SOX30: variants seen among roughly 807,000 people sequenced by gnomAD.
SOX30 encodes the protein transcription factor SOX-30.
Under a neutral mutation model 58.6 loss-of-function variants are expected in SOX30, and 17 were observed. The ratio of observed to expected loss-of-function variants is 0.29; its 90% CI spans 0.20 to 0.44. SOX30 has a LOEUF of 0.44. Among genes scored for constraint, SOX30 ranks in the 20% least tolerant of loss-of-function variants. SOX30 has a pLI of 1.00. For missense variants in SOX30, 951 were observed against 965.8 expected, an observed-to-expected ratio of 0.98 and a Z score of 0.20; for synonymous variants, 421 against 400.2, an observed-to-expected ratio of 1.05 and a Z score of -0.62.
rs1360398342 is a variant in SOX30, at chr5:157,651,589, T to C, written c.490A>G (p.Arg164Gly). ...GAVETGPRAS[R>G]VVKLEGPGPA... is the part of the protein sequence containing the mutation. The stretch of plus-strand genomic sequence containing the variant: ...CCGGGGCCTTCCAACTTGACCACCC[T>C]GGAGGCTCTAGGACCGGTTTCGACG... The change falls in exon 1 of 5, where the codon AGG becomes GGG. Residue 164 changes from arginine to glycine, a missense_variant. Physicochemically the swap from Arg to Gly is moderately radical, Grantham distance 125. This residue lies in a region of SOX30 where 363 missense variants were observed against 294.5 expected (regional missense o/e 1.23). Transcript: ENST00000265007. 15 of 1,613,008 alleles carry C rather than the reference T, an allele frequency of 9.3e-6. No individual in the cohort carries two copies. The highest frequency in any genetic ancestry group is 1.3e-5 in the African/African-American group (1 of 74,924).
intron 2 of SOX30, 41 bp from the exon 3 acceptor site, chr5:157,646,857 T>C (rs1203739059): frequency 2.8e-6 from 4 of 1,444,592 alleles, no homozygotes; most frequent in Non-Finnish European, 3.8e-6. Flanking sequence ...AGACTCCATT[T>C]AGCCTTTAAA....
intron 4 of SOX30, among the ~76,000 whole-genome samples, chr5:157,632,047 T>TAAAAAAAAAAAAAAAAAAAAAAAAAAAAA (rs570172679): frequency 3.5e-5 from 2 of 56,394 alleles, no homozygotes; most frequent in African/African-American, 1.6e-4. Flanking sequence ...ACCCCGTAAC[T>TAAAAAAAAAAAAAAAAAAAAAAAAAAAAA]AAAAAAAAAA....
chr5:157,667,714 G>A, intron 2 of SOX30: 1 of 1,497,914 alleles, frequency 6.7e-7, no homozygotes, highest in Non-Finnish European at 8.9e-7. Flanking sequence ...CCTCCAGCCT[G>A]GGCGACAGAG....
chr5:157,626,245 TCAA>T lies in SOX30; in HGVS notation c.*92_*94del. ...CTCCTCAAATCACGACTGAAAACTT[TCAA>T]CAAAGAATTCTAGGCTTTTTTTTTT... is the stretch of plus-strand genomic sequence containing the variant. On this transcript the variant is annotated 3_prime_UTR_variant, in exon 5 of 5. Coordinates refer to ENST00000265007, the MANE Select transcript of SOX30 (RefSeq NM_178424.2). The T allele has an allele frequency of 8.3e-7, 1 of 1,200,646 alleles. No homozygotes were observed. The highest frequency in any genetic ancestry group is 1.1e-6 in the Non-Finnish European group (1 of 887,046). The allele number at this position is 1,200,646 out of a possible 1,614,324, so 74.4% of individuals were successfully genotyped here.
At chr5:157,663,151 A>G (rs1302221723) in intron 2 of SOX30, among the ~76,000 whole-genome samples, 1 of 152,224 alleles carries the variant, frequency 6.6e-6, no homozygotes, top group Non-Finnish European at 1.5e-5. Context: ...CACAACAAAA[A>G]AAGAGAATTT....
intron 2 of SOX30, among the ~76,000 whole-genome samples, chr5:157,663,425 A>G (rs1759611893): frequency 6.6e-6 from 1 of 152,210 alleles, no homozygotes. Context: ...AAAACTCTCA[A>G]TAAATTTGGT....
intron 2 of SOX30, among the ~76,000 whole-genome samples, chr5:157,663,128 A>C (rs1377365627): frequency 1.3e-5 from 2 of 152,220 alleles, no homozygotes; most frequent in East Asian, 3.8e-4. Context: ...CTGATACCAA[A>C]GCCTGGCAGA....
At chr5:157,644,448 T>C (rs1479918943) in intron 3 of SOX30, among the ~76,000 whole-genome samples, 4 of 152,180 alleles carry the variant, frequency 2.6e-5, no homozygotes, top group African/African-American at 9.7e-5. Flanking sequence ...TACAACATCA[T>C]GGAGAAAGAA....
Position 157,651,265 on chromosome 5 carries a change from G to C in SOX30, c.814C>G (p.Arg272Gly). ...GGCGGAGCTCCCTGAAACTGGATCC[G>C]GGCCCCAGGGGGGACCGTGTGGAGC... ...LTLHTVPPGARIQFQGAPPSE... is the reference protein window; with the variant it reads ...LTLHTVPPGAGIQFQGAPPSE... The change falls in exon 1 of 5, where the codon CGG becomes GGG. Residue 272 changes from arginine (R) to glycine (G), a missense_variant. Arg to Gly is a moderately radical substitution (Grantham distance 125). Transcript: ENST00000265007. The C allele has an allele frequency of 1.2e-6, 2 of 1,614,148 alleles. No individual in the cohort carries two copies. The highest frequency in any genetic ancestry group is 2.2e-5 in the South Asian group (2 of 91,082).
rs535340015 is a variant in SOX30, at chr5:157,645,064, G to C, written c.1387+1573C>G. ...GCCTGGGTTGAAATACAAGATTAAA[G>C]AAGTCACTACCAAACAGTGAAGACT... On this transcript the variant is annotated intron_variant, in intron 3 of 4. Transcript: ENST00000265007. 2.6e-5 allele frequency among the ~76,000 whole-genome samples: 4 copies of C among 152,324 alleles called. No individual in the cohort carries two copies. In the East Asian group the frequency reaches 7.7e-4, roughly 29 times the overall value.
chr5:157,645,172 T>G (rs922620476), intron 3 of SOX30, among the ~76,000 whole-genome samples: 1 of 152,166 alleles, frequency 6.6e-6, no homozygotes, highest in Admixed American at 6.5e-5. Context: ...ACATCTGGAA[T>G]GTAGCTTGTT....
At chr5:157,652,838 C>T (rs1178725751), upstream of SOX30, among the ~76,000 whole-genome samples, 1 of 152,148 alleles carries the variant, frequency 6.6e-6, no homozygotes, top group East Asian at 1.9e-4. Context: ...AAATAGTCTC[C>T]CTGCTTGTCA....
chr5:157,657,963 G>C (rs1174171954), intron 2 of SOX30, among the ~76,000 whole-genome samples: 3 of 152,162 alleles, frequency 2.0e-5, no homozygotes, highest in Non-Finnish European at 2.9e-5. Flanking sequence ...TGGGGAATTG[G>C]CCTCAGACCT....
At chr5:157,643,077 A>G (rs1759108575) in intron 3 of SOX30, among the ~76,000 whole-genome samples, 3 of 150,556 alleles carry the variant, frequency 2.0e-5, no homozygotes, top group Non-Finnish European at 4.4e-5. Context: ...TCACCCAAGA[A>G]TTTTTTTTTT....
Position 157,651,437 on chromosome 5 carries a change from C to T in SOX30, c.642G>A (p.Thr214=), listed in dbSNP as rs1759335976. 4 of 1,613,528 alleles carry T rather than the reference C, an allele frequency of 2.5e-6. No homozygotes were observed. Among genetic ancestry groups the T allele is most frequent in the Non-Finnish European group, 3.4e-6 (4 of 1,180,022 alleles). Residue 214 remains threonine, a synonymous_variant, in exon 1 of 5, where the codon ACG becomes ACA. Transcript: ENST00000265007. ...CCTCGAGGAGTCTCTCGGGTTCCTC[C>T]GTTTTGATCACACCTTCTCGGATGG... The part of the protein sequence containing the change: ...PAAIREGVIK[T]EEPERLLEDC...
At chr5:157,656,024 CTT>C (rs1179712258), upstream of SOX30, among the ~76,000 whole-genome samples, 5 of 152,198 alleles carry the variant, frequency 3.3e-5, no homozygotes, top group African/African-American at 9.7e-5. Flanking sequence ...AGGTTTCCCT[CTT>C]GTCTTGTATG....
At chr5:157,664,939 C>G (rs1204743408) in intron 2 of SOX30, among the ~76,000 whole-genome samples, 1 of 152,198 alleles carries the variant, frequency 6.6e-6, no homozygotes, top group African/African-American at 2.4e-5. Flanking sequence ...ATTAAAAAGT[C>G]AGGAAACAAC....
chr5:157,649,685 G>A (rs1405130185), intron 1 of SOX30, among the ~76,000 whole-genome samples: 2 of 152,120 alleles, frequency 1.3e-5, no homozygotes, highest in African/African-American at 4.8e-5. Context: ...AGCTACCTAG[G>A]AGGCTGAGGC....
At chr5:157,630,901 TAA>T (rs1031849663) in intron 4 of SOX30, among the ~76,000 whole-genome samples, 1 of 137,088 alleles carries the variant, frequency 7.3e-6, no homozygotes, top group Non-Finnish European at 1.5e-5. Flanking sequence ...TTTATATATA[TAA>T]AAAATATATA....
Sources: gnomAD v4.1 joint callset for allele counts (sites outside exome capture counted in the v4.1 genomes callset) on GRCh38, gnomAD v4.1.1 for gene constraint, gnomAD v4.1.1 regional missense constraint, MANE v1.5 for transcripts, NCBI Gene and HGNC (gene_info 2026-07-23, HGNC 2026-07-21) for gene names.